The following NYAP2 variants were observed in gnomAD, a reference collection of about 807,000 sequenced individuals.
NYAP2 encodes neuronal tyrosine-phosphorylated phosphoinositide-3-kinase adaptor 2, also known as neuronal tyrosine-phosphorylated phosphoinositide-3-kinase adapter 2.
NYAP2 carries 23 observed loss-of-function variants against 50.4 expected under a neutral mutation model. That is an observed-to-expected ratio of 0.46 (90% confidence interval 0.33 to 0.65). The LOEUF (loss-of-function observed/expected upper bound fraction) is 0.65, where lower values mean the gene tolerates loss of function less well. NYAP2 is among the 30% of genes least tolerant of loss of function. The pLI is 0.02. For synonymous variants in NYAP2, 394 were observed against 365.2 expected (o/e 1.08, Z -0.90); for missense variants, 885 against 861.0 (o/e 1.03, Z -0.35).
chr2:225,434,626 C>T (rs1174377901), intron 3 of NYAP2, among the ~76,000 whole-genome samples: 1 of 152,104 alleles, frequency 6.6e-6, no homozygotes, highest in Non-Finnish European at 1.5e-5. Flanking sequence ...GCTGGTATGT[C>T]CTAATAATGC....
chr2:225,676,774 A>G, the NYAP2 span, among the ~76,000 whole-genome samples: 2 of 152,214 alleles, frequency 1.3e-5, no homozygotes, highest in East Asian at 3.9e-4. Context: ...ACACAGAGCC[A>G]AACTATATCA....
intron 4 of NYAP2, among the ~76,000 whole-genome samples, chr2:225,520,155 G>A (rs1299332806): frequency 3.9e-5 from 6 of 152,140 alleles, no homozygotes; most frequent in African/African-American, 4.8e-5. Flanking sequence ...TGAGTTCATC[G>A]TAGATTCTGG....
chr2:225,511,373 C>CACACACACACACACACAGAG (rs376750469), intron 3 of NYAP2, among the ~76,000 whole-genome samples: 1 of 117,768 alleles, frequency 8.5e-6, no homozygotes, highest in African/African-American at 3.3e-5. Flanking sequence ...CACACACACA[C>CACACACACACACACACAGAG]AGAGAGAGAG....
intron 3 of NYAP2, among the ~76,000 whole-genome samples, chr2:225,495,979 C>T (rs182489854): frequency 1.1e-3 from 161 of 152,310 alleles, no homozygotes; most frequent in African/African-American, 3.8e-3. Context: ...CACCTGTGCT[C>T]ATCACATTAC....
At chr2:225,567,250 T>A (rs925411552) in intron 4 of NYAP2, among the ~76,000 whole-genome samples, 2 of 152,124 alleles carry the variant, frequency 1.3e-5, no homozygotes, top group African/African-American at 4.8e-5. Flanking sequence ...AGACCACAGT[T>A]GTATATGGGA....
rs146676330 is a variant in NYAP2 at position 225,497,782 on chromosome 2, G to C, written c.222-15589G>C. Reference sequence around the variant, plus strand: ...AAACAATGTACATGTACATGCATGTGTGTGTGTGATCTATAGTGTCTTTTT... The same window carrying C: ...AAACAATGTACATGTACATGCATGTCTGTGTGTGATCTATAGTGTCTTTTT... On this transcript the variant is annotated intron_variant, in intron 3 of 6. Coordinates refer to ENST00000636099, the Ensembl canonical transcript of NYAP2. Among the ~76,000 whole-genome samples the C allele has an allele frequency of 1.9e-3, 294 of 152,282 alleles. 1 individual carries two copies. The highest frequency in any genetic ancestry group is 6.8e-3 in the African/African-American group (283 of 41,560).
intron 4 of NYAP2, among the ~76,000 whole-genome samples, chr2:225,562,158 T>C (rs888904865): frequency 6.6e-6 from 1 of 152,186 alleles, no homozygotes; most frequent in Non-Finnish European, 1.5e-5. Context: ...AGAAATTATA[T>C]GTGTTTTGTT....
At chr2:225,619,302 T>C (rs1299282067) in intron 5 of NYAP2, among the ~76,000 whole-genome samples, 2 of 152,242 alleles carry the variant, frequency 1.3e-5, no homozygotes, top group Admixed American at 6.5e-5. Flanking sequence ...CCATGACTTT[T>C]TAGCTAGAAG....
At chr2:225,523,405 A>C (rs1691099913) in intron 4 of NYAP2, among the ~76,000 whole-genome samples, 1 of 151,990 alleles carries the variant, frequency 6.6e-6, no homozygotes, top group Non-Finnish European at 1.5e-5. Flanking sequence ...CAACATTCAG[A>C]CATCAATAAA....
chr2:225,600,693 T>C (rs715678), intron 5 of NYAP2, among the ~76,000 whole-genome samples: 94,510 of 151,970 alleles, frequency 0.62, 30,080 homozygotes, highest in South Asian at 0.8. Context: ...GAGCTTTCAT[T>C]CTTCCCAACT....
At chr2:225,518,327 A>G (rs945683418) in intron 4 of NYAP2, among the ~76,000 whole-genome samples, 47 of 151,584 alleles carry the variant, frequency 3.1e-4, no homozygotes, top group Non-Finnish European at 4.9e-4. Flanking sequence ...AGTAAAGAGT[A>G]GCCTGGTGAT....
At chr2:225,612,454 C>T (rs1692906667) in intron 5 of NYAP2, among the ~76,000 whole-genome samples, 1 of 152,096 alleles carries the variant, frequency 6.6e-6, no homozygotes, top group Admixed American at 6.6e-5. Context: ...GGGGAGCTTA[C>T]ACAACCGTTG....
chr2:225,544,232 T>C (rs2106205653), intron 4 of NYAP2, among the ~76,000 whole-genome samples: 1 of 151,894 alleles, frequency 6.6e-6, no homozygotes, highest in Middle Eastern at 3.4e-3. Context: ...TTTTTTTTTT[T>C]TATCCATTGA....
intron 5 of NYAP2, among the ~76,000 whole-genome samples, chr2:225,623,188 G>A (rs1432342948): frequency 1.3e-5 from 2 of 152,182 alleles, no homozygotes; most frequent in African/African-American, 2.4e-5. Flanking sequence ...AAAGAGACAG[G>A]CAAAGGCTAT....
intron 4 of NYAP2, among the ~76,000 whole-genome samples, chr2:225,565,954 T>C (rs1301864126): frequency 6.6e-6 from 1 of 152,134 alleles, no homozygotes; most frequent in Non-Finnish European, 1.5e-5. Context: ...CCATCATATA[T>C]AGAGGCAAAT....
chr2:225,414,550 AG>A (rs1695092866), intron 3 of NYAP2, among the ~76,000 whole-genome samples: 1 of 152,144 alleles, frequency 6.6e-6, no homozygotes, highest in Non-Finnish European at 1.5e-5. Context: ...AGAAACAGGA[AG>A]GATAGTCGTG....
At chr2:225,662,277 A>G in the NYAP2 span, among the ~76,000 whole-genome samples, 1 of 152,356 alleles carries the variant, frequency 6.6e-6, no homozygotes, top group Admixed American at 6.5e-5. Flanking sequence ...TTTGTGGACC[A>G]TGGACTAGTG....
At chr2:225,413,784 A>C (rs898552303) in intron 3 of NYAP2, among the ~76,000 whole-genome samples, 4 of 152,182 alleles carry the variant, frequency 2.6e-5, no homozygotes, top group Non-Finnish European at 5.9e-5. Context: ...ATTACTTAAA[A>C]TTATGTAACA....
At chr2:225,683,945 A>T in the NYAP2 span, among the ~76,000 whole-genome samples, 3 of 152,146 alleles carry the variant, frequency 2.0e-5, no homozygotes, top group African/African-American at 4.8e-5. Context: ...CAAAATGATC[A>T]ATCTCTTTTG....
Sources: allele counts gnomAD v4.1 joint callset (sites outside exome capture counted in the v4.1 genomes callset), GRCh38; gene constraint gnomAD v4.1.1; transcripts MANE v1.5; gene names NCBI Gene and HGNC (gene_info 2026-07-23, HGNC 2026-07-21).